The following UXS1 variants were observed in gnomAD, a reference collection of about 807,000 sequenced individuals.
UXS1 encodes the protein UDP-glucuronate decarboxylase 1.
A neutral mutation model predicts 62.6 loss-of-function variants in UXS1; 33 were observed. That is an observed-to-expected ratio of 0.53 (90% CI 0.40 to 0.70). UXS1 has a LOEUF of 0.70. Ranked by LOEUF, UXS1 falls within the 30% of genes least tolerant of loss-of-function variation. The probability of loss-of-function intolerance (pLI) is 0.00; values close to 1 mark genes in which losing one functional copy is unlikely to be tolerated. For synonymous variants in UXS1, 213 were observed against 206.8 expected, an observed-to-expected ratio of 1.03 and a Z score of -0.26; for missense variants, 434 against 556.3, an observed-to-expected ratio of 0.78 and a Z score of 2.21.
At chr2:106,171,924 T>C (rs1362548062) in intron 1 of UXS1, among the ~76,000 whole-genome samples, 1 of 152,266 alleles carries the variant, frequency 6.6e-6, no homozygotes, top group Non-Finnish European at 1.5e-5. Flanking sequence ...CTTTATAGTA[T>C]GACATCCTAT....
At chr2:106,145,809 A>C (rs1681513824) in intron 5 of UXS1, among the ~76,000 whole-genome samples, 1 of 152,248 alleles carries the variant, frequency 6.6e-6, no homozygotes, top group Admixed American at 6.5e-5. Context: ...CTACCAAGAA[A>C]AAAAAACTTA....
rs183336547 is a variant in UXS1, at chr2:106,169,364, T to C, written c.95-3281A>G. On this transcript the variant is annotated intron_variant, in intron 1 of 14. Transcript: ENST00000283148. ...AATCATTCCATCGTTATTTGCTTTT[T>C]CAGTTTTTTCTTTCAAACCTTTTTT... Among the ~76,000 whole-genome samples, 265 of 152,376 alleles carry C rather than the reference T, an allele frequency of 1.7e-3. 1 individual carries two copies. The highest frequency in any genetic ancestry group is 3.2e-3 in the Non-Finnish European group (215 of 68,034).
At chr2:106,191,185 G>C (rs151262719) in intron 1 of UXS1, among the ~76,000 whole-genome samples, 7 of 152,288 alleles carry the variant, frequency 4.6e-5, no homozygotes, top group Non-Finnish European at 1.0e-4. Context: ...AAGACTTTGG[G>C]AAAGATGTAA....
chr2:106,136,944 T>TGGAGAA (rs1680690545), intron 6 of UXS1, among the ~76,000 whole-genome samples: 1 of 103,310 alleles, frequency 9.7e-6, no homozygotes, highest in African/African-American at 3.7e-5. Flanking sequence ...AAAAAAAGAA[T>TGGAGAA]GGAGAAGTCA....
At chr2:106,115,573 T>C (rs1000185493) in intron 9 of UXS1, among the ~76,000 whole-genome samples, 2 of 152,214 alleles carry the variant, frequency 1.3e-5, no homozygotes, top group African/African-American at 4.8e-5. Context: ...AAGCCTGAGC[T>C]GCACCAACAT....
chr2:106,093,885 T>G lies in UXS1; in HGVS notation c.*141A>C. On this transcript the variant is annotated 3_prime_UTR_variant, in exon 15 of 15. Transcript: ENST00000283148. ...GGAGCTTTTAGGCACATCCATTTCA[T>G]TAAAGCAAGCTTCAGAATGAAATTC... is the stretch of plus-strand genomic sequence containing the variant. 8.1e-7 allele frequency: 1 copy of G among 1,236,648 alleles called. No homozygotes were observed. The highest frequency in any genetic ancestry group is 1.1e-6 in the Non-Finnish European group (1 of 936,806). The allele number at this position is 1,236,648 out of a possible 1,614,324, so 76.6% of individuals were successfully genotyped here.
At chr2:106,178,536 G>C (rs931548585) in intron 1 of UXS1, among the ~76,000 whole-genome samples, 1 of 152,026 alleles carries the variant, frequency 6.6e-6, no homozygotes, top group Admixed American at 6.6e-5. Context: ...ATATGTATGT[G>C]TCTGTAAATA....
At chr2:106,151,962 C>T (rs1361963439) in intron 5 of UXS1, among the ~76,000 whole-genome samples, 2 of 152,194 alleles carry the variant, frequency 1.3e-5, no homozygotes, top group Non-Finnish European at 2.9e-5. Context: ...ATGCACAGTA[C>T]TACAGCCTAG....
At chr2:106,194,301 C>CGCGGCGGCG (rs1242896070), upstream of UXS1, 37 of 993,652 alleles carry the variant, frequency 3.7e-5, no homozygotes, top group Non-Finnish European at 4.2e-5. Context: ...CTGCACAATG[C>CGCGGCGGCG]GCGGCGGCGG....
intron 4 of UXS1, chr2:106,160,222 T>C (rs973971624): frequency 3.9e-5 from 6 of 152,380 alleles, no homozygotes; most frequent in Admixed American, 2.6e-4. Context: ...TCAGAGTTAT[T>C]TGTGTGCACC....
intron 14 of UXS1, among the ~76,000 whole-genome samples, chr2:106,094,373 G>A (rs1301854433): frequency 6.6e-6 from 1 of 151,586 alleles, no homozygotes; most frequent in East Asian, 1.9e-4. Flanking sequence ...CTTTCAGAAT[G>A]TACTGTGGAG....
At position 106,158,219 on chromosome 2, in the gene UXS1, T is replaced by C. The variant is rs577821474; in HGVS notation, c.231-101A>G. ...CATGTGCCAGGTTTTGGGACTGTTA[T>C]TGTTTGCTCTTCTCTCCACTCTTGA... On this transcript the variant is annotated intron_variant, in intron 4 of 14. Coordinates refer to ENST00000283148, the MANE Select transcript of UXS1 (RefSeq NM_001253875.2). The C allele has an allele frequency of 2.1e-4, 211 of 1,010,340 alleles. No homozygotes were observed. The African/African-American group carries it at 3.1e-3, about 15-fold the overall frequency. The allele number at this position is 1,010,340 out of a possible 1,614,324, so 62.6% of individuals were successfully genotyped here. A position where few individuals can be genotyped will look rare whatever the true frequency, so the allele number is the denominator to read the frequency against.
intron 6 of UXS1, among the ~76,000 whole-genome samples, 154 bp downstream of exon 6, chr2:106,145,036 G>A (rs1681451593): frequency 6.6e-6 from 1 of 152,176 alleles, no homozygotes; most frequent in Non-Finnish European, 1.5e-5. Context: ...ACACAGACTA[G>A]GACGGCACCT....
At chr2:106,095,508 A>G (rs1392431352) in intron 14 of UXS1, among the ~76,000 whole-genome samples, 3 of 152,228 alleles carry the variant, frequency 2.0e-5, no homozygotes, top group Non-Finnish European at 4.4e-5. Flanking sequence ...GACTATGCAC[A>G]TTTTAAAAAG....
chr2:106,096,324 G>C (rs1303620838), intron 14 of UXS1, among the ~76,000 whole-genome samples: 1 of 137,016 alleles, frequency 7.3e-6, no homozygotes, highest in South Asian at 2.2e-4. Flanking sequence ...GTGAAAATGA[G>C]TGTGTGTGAG....
intron 9 of UXS1, among the ~76,000 whole-genome samples, chr2:106,116,964 G>A (rs972359137): frequency 2.0e-5 from 3 of 152,102 alleles, no homozygotes; most frequent in Non-Finnish European, 4.4e-5. Flanking sequence ...AGTACAACAG[G>A]TCCCCAAATA....
chr2:106,138,912 T>A (rs1680875763), intron 6 of UXS1: 1 of 981,348 alleles, frequency 1.0e-6, no homozygotes, highest in Non-Finnish European at 1.2e-6. Context: ...GTCTGTTGGT[T>A]AAATAATCTG....
At chr2:106,100,802 A>C (rs1677527767) in intron 12 of UXS1, 1 of 459,178 alleles carries the variant, frequency 2.2e-6, no homozygotes, top group Non-Finnish European at 3.8e-6. Flanking sequence ...AAAAGGCTTC[A>C]CACAATCTTA....
intron 6 of UXS1, among the ~76,000 whole-genome samples, chr2:106,144,679 G>C (rs1366843085): frequency 6.6e-6 from 1 of 152,220 alleles, no homozygotes; most frequent in Non-Finnish European, 1.5e-5. Context: ...TTGGCAGATT[G>C]GGTGCTGGTG....
Sources: gnomAD v4.1 joint callset for allele counts (sites outside exome capture counted in the v4.1 genomes callset) on GRCh38, gnomAD v4.1.1 for gene constraint, MANE v1.5 for transcripts, NCBI Gene and HGNC (gene_info 2026-07-23, HGNC 2026-07-21) for gene names.